The following SPAG16 variants were observed in gnomAD, a reference collection of about 807,000 sequenced individuals.
The protein encoded by SPAG16 is sperm associated antigen 16.
In SPAG16, 86 loss-of-function variants were observed where a neutral mutation model predicts 80.4. The ratio of observed to expected loss-of-function variants is 1.07; its 90% CI spans 0.90 to 1.28. The LOEUF (loss-of-function observed/expected upper bound fraction) is 1.28, where lower values mean the gene tolerates loss of function less well. Ranked by LOEUF, SPAG16 falls within the 50% of genes most tolerant of loss-of-function variation. SPAG16 has a pLI of 0.00. For missense variants in SPAG16, 870 were observed against 765.3 expected (o/e 1.14, Z -1.61); for synonymous variants, 294 against 265.9 (o/e 1.11, Z -1.03).
chr2:214,255,964 G>C (rs186481694), intron 15 of SPAG16, among the ~76,000 whole-genome samples: 1 of 151,760 alleles, frequency 6.6e-6, no homozygotes, highest in Non-Finnish European at 1.5e-5. Flanking sequence ...TTCATTTCTC[G>C]TGAGTAAACA....
At chr2:214,371,994 T>C (rs1699852004) in intron 15 of SPAG16, among the ~76,000 whole-genome samples, 2 of 152,158 alleles carry the variant, frequency 1.3e-5, no homozygotes, top group Non-Finnish European at 2.9e-5. Context: ...ATGTAATATA[T>C]TATGAATTAT....
rs1411802127 is a variant in SPAG16, at chr2:214,038,367, AG to A, written c.1527+24291del. Among the ~76,000 whole-genome samples the A allele has an allele frequency of 4.6e-5, 7 of 152,254 alleles. No individual in the cohort carries two copies. In the East Asian group the frequency reaches 1.4e-3, roughly 29 times the overall value. On this transcript the variant is annotated intron_variant, in intron 13 of 15. Transcript: ENST00000331683. ...CTATTTTCTCTCTTCTGTCAATTTC[AG>A]TTCTGTTATTTCTACTTTGTCAGAA...
intron 15 of SPAG16, among the ~76,000 whole-genome samples, chr2:214,236,450 G>A (rs989833433): frequency 2.0e-5 from 3 of 152,020 alleles, no homozygotes; most frequent in Admixed American, 6.6e-5. Context: ...TCAGGAGTTC[G>A]AGACCAACCT....
At chr2:213,804,183 A>C (rs2071597333) in intron 10 of SPAG16, among the ~76,000 whole-genome samples, 1 of 152,216 alleles carries the variant, frequency 6.6e-6, no homozygotes, top group South Asian at 2.1e-4. Context: ...ATACAATTTA[A>C]AATCTGCTAG....
chr2:214,130,734 A>T (rs1036381223), intron 14 of SPAG16, among the ~76,000 whole-genome samples: 2 of 152,192 alleles, frequency 1.3e-5, no homozygotes, highest in African/African-American at 4.8e-5. Context: ...CTCATACATG[A>T]ATATCTGAAA....
At chr2:213,846,707 AAATTT>A (rs911533837) in intron 10 of SPAG16, among the ~76,000 whole-genome samples, 1 of 152,204 alleles carries the variant, frequency 6.6e-6, no homozygotes, top group Admixed American at 6.5e-5. Flanking sequence ...CTTTTAATTT[AAATTT>A]AATTTCCTTT....
At chr2:213,671,112 C>T (rs1174963223) in intron 10 of SPAG16, among the ~76,000 whole-genome samples, 2 of 152,134 alleles carry the variant, frequency 1.3e-5, no homozygotes, top group Non-Finnish European at 2.9e-5. Flanking sequence ...AAGGGAGTTA[C>T]ATGGAATAGT....
chr2:214,141,536 A>G (rs998189142), intron 14 of SPAG16, among the ~76,000 whole-genome samples: 1 of 152,100 alleles, frequency 6.6e-6, no homozygotes, highest in Non-Finnish European at 1.5e-5. Context: ...ATTTTGACCA[A>G]TGCTATACTT....
chr2:213,834,826 G>T (rs2073987115), intron 10 of SPAG16, among the ~76,000 whole-genome samples: 1 of 152,090 alleles, frequency 6.6e-6, no homozygotes, highest in South Asian at 2.1e-4. Flanking sequence ...AATAACAAAG[G>T]AATCATATTC....
In SPAG16 at chr2:213,929,996, A is replaced by T. The variant is rs746367596; in HGVS notation, c.1251A>T (p.Thr417=). The T allele has an allele frequency of 4.5e-5, 73 of 1,613,556 alleles. No individual in the cohort carries two copies. Among genetic ancestry groups the T allele is most frequent in the Non-Finnish European group, 4.5e-5 (53 of 1,179,812 alleles). The change falls in exon 12 of 16, where the codon ACA becomes ACT. Residue 417 remains threonine (T), a synonymous_variant. Transcript: ENST00000331683. The part of the protein sequence containing the change: ...DKLATSSGDT[T]VKLWDLCKGD... ...TGGCTACTTCAAGTGGTGACACTAC[A>T]GTTAAATTATGGGATCTATGTAAAG...
chr2:213,490,934 A>G (rs967728537), intron 10 of SPAG16, among the ~76,000 whole-genome samples: 1 of 152,126 alleles, frequency 6.6e-6, no homozygotes, highest in Non-Finnish European at 1.5e-5. Context: ...TTTAACACAT[A>G]TATTTTACCT....
At chr2:213,992,445 A>AT (rs140946373) in intron 12 of SPAG16, among the ~76,000 whole-genome samples, 3,865 of 152,208 alleles carry the variant, frequency 0.025, 162 homozygotes, top group African/African-American at 0.089. Flanking sequence ...TGAAAAACAC[A>AT]TTTTTTGATA....
chr2:213,578,156 T>C (rs548457509), intron 10 of SPAG16, among the ~76,000 whole-genome samples: 38 of 152,232 alleles, frequency 2.5e-4, no homozygotes, highest in African/African-American at 8.9e-4. Flanking sequence ...ACATGACCAC[T>C]GTAATCTGCC....
At chr2:214,141,665 A>T (rs555150663) in intron 14 of SPAG16, among the ~76,000 whole-genome samples, 1 of 152,302 alleles carries the variant, frequency 6.6e-6, no homozygotes, top group East Asian at 1.9e-4. Flanking sequence ...TAACTAAAGC[A>T]TAGAATTTTA....
At chr2:213,810,803 A>G (rs1305381443) in intron 10 of SPAG16, among the ~76,000 whole-genome samples, 1 of 152,216 alleles carries the variant, frequency 6.6e-6, no homozygotes. Context: ...ATTTGGTTGC[A>G]GAACTGGCTG....
chr2:214,279,380 G>T (rs1692723891), intron 15 of SPAG16, among the ~76,000 whole-genome samples: 1 of 152,036 alleles, frequency 6.6e-6, no homozygotes, highest in Non-Finnish European at 1.5e-5. Flanking sequence ...TTTTAAAATT[G>T]CAAAACACTA....
At chr2:214,144,260 TTTAA>T (rs1238455801) in intron 14 of SPAG16, among the ~76,000 whole-genome samples, 6 of 152,052 alleles carry the variant, frequency 3.9e-5, no homozygotes, top group African/African-American at 7.2e-5. Context: ...CTTTGAGGAG[TTTAA>T]TTATTTGTAG....
chr2:213,291,104 T>A (rs1559375753), intron 1 of SPAG16, among the ~76,000 whole-genome samples: 1 of 152,212 alleles, frequency 6.6e-6, no homozygotes, highest in South Asian at 2.1e-4. Flanking sequence ...ACTGGGAAGC[T>A]TAGAGTCAAA....
chr2:213,743,490 A>G (rs1392692913), intron 10 of SPAG16, among the ~76,000 whole-genome samples: 3 of 147,402 alleles, frequency 2.0e-5, no homozygotes, highest in Non-Finnish European at 4.6e-5. Flanking sequence ...CCCTAGAAAT[A>G]TCTTATTTCA....
Sources: gnomAD v4.1 joint callset for allele counts (sites outside exome capture counted in the v4.1 genomes callset) on GRCh38, gnomAD v4.1.1 for gene constraint, MANE v1.5 for transcripts, NCBI Gene and HGNC (gene_info 2026-07-23, HGNC 2026-07-21) for gene names.